The following OPCML variants were observed in gnomAD, a reference collection of about 807,000 sequenced individuals.
OPCML encodes opioid-binding protein/cell adhesion molecule.
Under a neutral mutation model 37.8 loss-of-function variants are expected in OPCML, and 13 were observed. That is an observed-to-expected ratio of 0.34 (90% CI 0.22 to 0.55). OPCML has a LOEUF of 0.55. Among genes scored for constraint, OPCML ranks in the 20% least tolerant of loss-of-function variants. OPCML has a pLI of 0.91. For synonymous variants in OPCML, 176 were observed against 168.8 expected, an observed-to-expected ratio of 1.04 and a Z score of -0.33; for missense variants, 341 against 435.6, an observed-to-expected ratio of 0.78 and a Z score of 1.93.
chr11:132,438,822 G>A (rs560042741), intron 4 of OPCML, among the ~76,000 whole-genome samples: 1 of 152,060 alleles, frequency 6.6e-6, no homozygotes, highest in Non-Finnish European at 1.5e-5. Flanking sequence ...CAGGTACTTA[G>A]GTGCCCTGAC....
At chr11:133,374,797 A>G (rs7930676) in intron 1 of OPCML, among the ~76,000 whole-genome samples, 33,728 of 151,980 alleles carry the variant, frequency 0.22, 5,182 homozygotes, top group African/African-American at 0.44. Context: ...CTCCAAGACA[A>G]TTAGTATTTG....
At chr11:133,006,847 G>T (rs1176003076) in intron 1 of OPCML, 1 of 985,414 alleles carries the variant, frequency 1.0e-6, no homozygotes, top group Non-Finnish European at 1.2e-6. Flanking sequence ...TGAAGTGCTG[G>T]CCAGGAAGGT....
chr11:132,687,025 G>A (rs540936898), intron 2 of OPCML, among the ~76,000 whole-genome samples: 211 of 516 alleles, frequency 0.41, no homozygotes, highest in Middle Eastern at 0.5. Context: ...GCTAGCTGAA[G>A]TCACACAATA....
intron 4 of OPCML, among the ~76,000 whole-genome samples, chr11:132,486,576 G>C (rs971109569): frequency 6.6e-6 from 1 of 151,434 alleles, no homozygotes; most frequent in Non-Finnish European, 1.5e-5. Context: ...CTGCAGTAAG[G>C]AACATATTTA....
At chr11:133,019,320 T>C (rs953208615) in intron 1 of OPCML, among the ~76,000 whole-genome samples, 5 of 152,144 alleles carry the variant, frequency 3.3e-5, no homozygotes, top group Non-Finnish European at 7.4e-5. Context: ...TGAGTGATGT[T>C]TGGGTGAAAC....
chr11:133,330,987 G>C (rs2136647748), intron 1 of OPCML, among the ~76,000 whole-genome samples: 1 of 152,282 alleles, frequency 6.6e-6, no homozygotes, highest in South Asian at 2.1e-4. Context: ...GCAAAGTCAT[G>C]ATTTGAACCC....
At chr11:132,983,396 A>T (rs1231680532) in intron 1 of OPCML, among the ~76,000 whole-genome samples, 1 of 151,364 alleles carries the variant, frequency 6.6e-6, no homozygotes, top group East Asian at 1.9e-4. Flanking sequence ...TAAATATTTC[A>T]TTTTTTTTTC....
intron 2 of OPCML, among the ~76,000 whole-genome samples, chr11:132,746,922 G>A (rs1204874066): frequency 6.6e-6 from 1 of 152,132 alleles, no homozygotes; most frequent in Non-Finnish European, 1.5e-5. Context: ...CTGCTCTGCT[G>A]CTTGCTGACT....
At chr11:132,786,276 G>C (rs566343834) in intron 2 of OPCML, among the ~76,000 whole-genome samples, 1 of 152,150 alleles carries the variant, frequency 6.6e-6, no homozygotes, top group Non-Finnish European at 1.5e-5. Flanking sequence ...AAGCTGAAAC[G>C]ATTTCATAGT....
chr11:132,643,351 C>T (rs955015168), intron 3 of OPCML, among the ~76,000 whole-genome samples: 4 of 152,174 alleles, frequency 2.6e-5, no homozygotes, highest in Admixed American at 2.0e-4. Context: ...GAGCAGAGAC[C>T]CTCCCTGGGG....
chr11:132,816,605 A>G (rs1351049338), intron 2 of OPCML, among the ~76,000 whole-genome samples: 1 of 152,190 alleles, frequency 6.6e-6, no homozygotes, highest in Non-Finnish European at 1.5e-5. Flanking sequence ...GATACGTGAC[A>G]CCTGGGTGTT....
intron 1 of OPCML, among the ~76,000 whole-genome samples, chr11:133,444,380 A>G (rs1408993980): frequency 6.6e-6 from 1 of 152,238 alleles, no homozygotes; most frequent in African/African-American, 2.4e-5. Context: ...TTAAGTGAGC[A>G]CATATCAAAG....
intron 3 of OPCML, among the ~76,000 whole-genome samples, chr11:132,571,325 C>T (rs2096437968): frequency 6.6e-6 from 1 of 152,118 alleles, no homozygotes; most frequent in African/African-American, 2.4e-5. Context: ...GTCAGACGGC[C>T]TATCATGGGA....
chr11:132,487,771 G>A (rs1451839438), intron 4 of OPCML, among the ~76,000 whole-genome samples: 1 of 152,162 alleles, frequency 6.6e-6, no homozygotes, highest in African/African-American at 2.4e-5. Flanking sequence ...GAAGCTCAGG[G>A]CCATTAAGCA....
intron 1 of OPCML, among the ~76,000 whole-genome samples, chr11:133,327,458 T>C (rs145408608): frequency 1.8e-4 from 28 of 151,980 alleles, no homozygotes; most frequent in African/African-American, 6.8e-4. Flanking sequence ...TTCTCTAGGG[T>C]CAGATTCCTA....
intron 1 of OPCML, among the ~76,000 whole-genome samples, chr11:133,171,692 C>T (rs1432095819): frequency 6.6e-6 from 1 of 152,152 alleles, no homozygotes; most frequent in Non-Finnish European, 1.5e-5. Flanking sequence ...AGTGAAGAAT[C>T]CTTCTGAATA....
At chr11:132,533,175 G>A (rs996163708) in intron 3 of OPCML, among the ~76,000 whole-genome samples, 10 of 152,168 alleles carry the variant, frequency 6.6e-5, no homozygotes, top group African/African-American at 1.4e-4. Flanking sequence ...CTGTGCAGAC[G>A]CTATTGAGCC....
At chr11:132,540,695 C>T (rs935109645) in intron 3 of OPCML, among the ~76,000 whole-genome samples, 4 of 152,204 alleles carry the variant, frequency 2.6e-5, no homozygotes, top group Non-Finnish European at 4.4e-5. Context: ...ATAACACATA[C>T]ATGAATACAT....
rs1026477268 is a variant in OPCML, at chr11:133,340,618, G to C, written c.61+191646C>G. ...AAATTAAGACTCTCTCTGTGTGTGTGTGTGTGTGTGTGTGTGTGTGTGTGT... is the reference window on the plus strand; with the variant it reads ...AAATTAAGACTCTCTCTGTGTGTGTCTGTGTGTGTGTGTGTGTGTGTGTGT... On this transcript the variant is annotated intron_variant, in intron 1 of 7. Coordinates refer to ENST00000524381, the MANE Select transcript of OPCML (RefSeq NM_001012393.5). Among the ~76,000 whole-genome samples the C allele has an allele frequency of 3.4e-3, 389 of 114,600 alleles. 2 individuals are homozygous for C. The highest frequency in any genetic ancestry group is 0.017 in the African/African-American group (310 of 18,236). 75.2% of individuals were successfully genotyped at this position (114,600 alleles called of 152,430 possible). A position where few individuals can be genotyped will look rare whatever the true frequency, so the allele number is the denominator to read the frequency against.
Sources: gnomAD v4.1 joint callset for allele counts (sites outside exome capture counted in the v4.1 genomes callset) on GRCh38, gnomAD v4.1.1 for gene constraint, MANE v1.5 for transcripts, NCBI Gene and HGNC (gene_info 2026-07-23, HGNC 2026-07-21) for gene names.